The following NBPF20 variants were observed in gnomAD, a reference collection of about 807,000 sequenced individuals.
NBPF20 encodes the protein NBPF family member NBPF20.
Under a neutral mutation model 68.1 loss-of-function variants are expected in NBPF20, and 90 were observed. That is an observed-to-expected ratio of 1.32 (90% confidence interval 1.11 to 1.58). The LOEUF is 1.58. NBPF20 is among the 40% of genes most tolerant of loss of function. NBPF20 has a pLI of 0.00. For synonymous variants in NBPF20, 290 were observed against 228.1 expected, an observed-to-expected ratio of 1.27 and a Z score of -2.45; for missense variants, 816 against 601.2, an observed-to-expected ratio of 1.36 and a Z score of -3.74.
the NBPF20 span, among the ~76,000 whole-genome samples, chr1:145,425,477 C>T: frequency 7.3e-3 from 1,112 of 152,330 alleles, 10 homozygotes; most frequent in Non-Finnish European, 0.011. Context: ...AAAAGCACCG[C>T]GTTCACTCAG....
chr1:145,415,200 T>C, the NBPF20 span, among the ~76,000 whole-genome samples: 5 of 151,510 alleles, frequency 3.3e-5, no homozygotes, highest in African/African-American at 9.7e-5. Context: ...GATGTGCATA[T>C]ACAGAAACAT....
upstream of NBPF20, among the ~76,000 whole-genome samples, chr1:145,406,020 G>T (rs1380353230): frequency 9.4e-5 from 14 of 148,840 alleles, no homozygotes; most frequent in Non-Finnish European, 2.1e-4. Context: ...CCAGGTTCAC[G>T]CTATTCTCCT....
chr1:145,417,692 C>A, the NBPF20 span, among the ~76,000 whole-genome samples: 1 of 141,010 alleles, frequency 7.1e-6, no homozygotes, highest in African/African-American at 2.7e-5. Flanking sequence ...GGCAAATAAG[C>A]ATATGAGAAA....
At chr1:145,405,019 T>G in intron 2 of NBPF20, 79 bp downstream of exon 7, 1 of 1,601,154 alleles carries the variant, frequency 6.2e-7, no homozygotes, top group African/African-American at 1.3e-5. Context: ...GAAATTATTT[T>G]TGATGGAGAG....
At chr1:145,424,459 C>A in the NBPF20 span, among the ~76,000 whole-genome samples, 3 of 152,162 alleles carry the variant, frequency 2.0e-5, no homozygotes, top group East Asian at 5.8e-4. Context: ...CACATATCAG[C>A]TCAGAACAAA....
chr1:145,406,066 C>T (rs1296168911), upstream of NBPF20, among the ~76,000 whole-genome samples: 1 of 150,610 alleles, frequency 6.6e-6, no homozygotes, highest in Non-Finnish European at 1.5e-5. Context: ...ATACAGGCAC[C>T]CGCCACCACG....
chr1:145,394,309 A>C (rs1463205072), intron 8 of NBPF20, among the ~76,000 whole-genome samples: 1 of 151,618 alleles, frequency 6.6e-6, no homozygotes, highest in Non-Finnish European at 1.5e-5. Flanking sequence ...AGTTTATGAG[A>C]TTGTGGACAC....
In NBPF20 at chr1:145,393,943, T is replaced by G. The variant is rs1553663028; in HGVS notation, c.992-8A>C. ...CTTGATCCCACCGATGTCCTGCAAA[T>G]AAATTCAGATGGGCCCTCTTACATT... On this transcript the variant is annotated splice_region_variant and splice_polypyrimidine_tract_variant and intron_variant, in intron 8 of 137. Transcript: ENST00000369373. 11 of 1,311,462 alleles carry G rather than the reference T, an allele frequency of 8.4e-6. No homozygotes were observed. The South Asian group carries it at 1.1e-4, about 13-fold the overall frequency. 81.2% of individuals were successfully genotyped at this position (1,311,462 alleles called of 1,614,324 possible).
At chr1:145,425,601 G>A in the NBPF20 span, among the ~76,000 whole-genome samples, 1 of 152,220 alleles carries the variant, frequency 6.6e-6, no homozygotes, top group African/African-American at 2.4e-5. Context: ...CGCCGGGCGC[G>A]TCAAGAGAGC....
chr1:145,409,560 C>A (rs1171320793), upstream of NBPF20, among the ~76,000 whole-genome samples: 7 of 146,414 alleles, frequency 4.8e-5, no homozygotes, highest in South Asian at 4.6e-4. Flanking sequence ...TTAACAGGAG[C>A]CATTTAGTAT....
At chr1:145,410,200 T>C (rs1310623968), upstream of NBPF20, among the ~76,000 whole-genome samples, 4 of 152,044 alleles carry the variant, frequency 2.6e-5, no homozygotes, top group Non-Finnish European at 5.9e-5. Flanking sequence ...TCAGCCTTTT[T>C]AATTTTAGCC....
intron 8 of NBPF20, among the ~76,000 whole-genome samples, chr1:145,394,225 C>T (rs1662100567): frequency 6.6e-6 from 1 of 151,836 alleles, no homozygotes; most frequent in Non-Finnish European, 1.5e-5. Context: ...AAATTGTAGG[C>T]AAATAGTTCT....
chr1:145,392,954 C>G (rs1252846555), intron 10 of NBPF20, 120 bp downstream of exon 15: 6 of 349,476 alleles, frequency 1.7e-5, no homozygotes, highest in Non-Finnish European at 2.4e-5. Flanking sequence ...CTACATGTGC[C>G]TATAGGACCT....
chr1:145,410,698 ATATGTGTGTG>A, the NBPF20 span, among the ~76,000 whole-genome samples: 9 of 113,010 alleles, frequency 8.0e-5, no homozygotes, highest in Admixed American at 1.8e-4. Flanking sequence ...CAATATATAT[ATATGTGTGTG>A]TGTGTGTGTG....
the NBPF20 span, among the ~76,000 whole-genome samples, chr1:145,412,249 T>A: frequency 2.6e-5 from 4 of 152,012 alleles, no homozygotes; most frequent in East Asian, 7.7e-4. Context: ...TGGTTTCTTT[T>A]CGGCTACTTT....
exon 138 of NBPF20, chr1:145,291,269 T>A (rs1337571542): frequency 3.2e-6 from 2 of 618,586 alleles, no homozygotes; most frequent in Non-Finnish European, 5.6e-6. Flanking sequence ...AGATACGTGG[T>A]TCAAATTAAA....
intron 2 of NBPF20, among the ~76,000 whole-genome samples, chr1:145,404,878 C>G (rs587674162): frequency 0.045 from 6,252 of 140,444 alleles, 431 homozygotes; most frequent in African/African-American, 0.15. Context: ...CAATAAATGG[C>G]AGTTTAACTC....
intron 9 of NBPF20, 124 bp from the exon 15 acceptor site, chr1:145,393,370 G>A: frequency 2.8e-6 from 2 of 705,888 alleles, no homozygotes; most frequent in East Asian, 2.7e-5. Flanking sequence ...CATTAATGAG[G>A]TAAGAAATTA....
At chr1:145,291,931 C>A (rs143057139) in intron 137 of NBPF20, among the ~76,000 whole-genome samples, 162 bp from the exon 143 acceptor site, 5 of 151,200 alleles carry the variant, frequency 3.3e-5, no homozygotes, top group African/African-American at 1.2e-4. Flanking sequence ...TGGGATAGAA[C>A]AGGGCCAGGT....
Sources: gnomAD v4.1 joint callset for allele counts (sites outside exome capture counted in the v4.1 genomes callset) on GRCh38, gnomAD v4.1.1 for gene constraint, MANE v1.5 for transcripts, NCBI Gene and HGNC (gene_info 2026-07-23, HGNC 2026-07-21) for gene names.